Variants in FRMD4A observed in about 807,000 individuals in gnomAD.
The protein encoded by FRMD4A is FERM domain-containing protein 4A.
FRMD4A carries 29 observed loss-of-function variants against 129.1 expected under a neutral mutation model. That is an observed-to-expected ratio of 0.22 (90% CI 0.17 to 0.31). FRMD4A has a LOEUF of 0.31. FRMD4A is among the 10% of genes least tolerant of loss of function. FRMD4A has a pLI of 1.00. For synonymous variants in FRMD4A, 634 were observed against 571.6 expected (o/e 1.11, Z -1.56); for missense variants, 1,272 against 1,375.8 (o/e 0.92, Z 1.19).
At chr10:13,867,956 G>A (rs1452373880) in intron 2 of FRMD4A, among the ~76,000 whole-genome samples, 3 of 143,606 alleles carry the variant, frequency 2.1e-5, no homozygotes, top group African/African-American at 2.6e-5. Flanking sequence ...TACTATATAT[G>A]TTTATTAATT....
chr10:13,835,142 G>A (rs1175743315), intron 3 of FRMD4A, among the ~76,000 whole-genome samples: 20 of 152,286 alleles, frequency 1.3e-4, no homozygotes, highest in Admixed American at 2.0e-4. Flanking sequence ...GTTAAGAGGA[G>A]GGCTTTGATG....
chr10:13,670,585 T>A, intron 16 of FRMD4A, 57 bp from the exon 17 acceptor site: 1 of 1,588,192 alleles, frequency 6.3e-7, no homozygotes, highest in Non-Finnish European at 8.6e-7. Context: ...GCGTGTCTGC[T>A]TCCTAGAACA....
At chr10:13,985,158 T>G (rs2095576471) in intron 2 of FRMD4A, among the ~76,000 whole-genome samples, 1 of 152,232 alleles carries the variant, frequency 6.6e-6, no homozygotes, top group African/African-American at 2.4e-5. Context: ...CTGCTTGGTT[T>G]GCCTTCGCAT....
intron 2 of FRMD4A, among the ~76,000 whole-genome samples, chr10:14,304,563 G>A (rs1260538481): frequency 1.3e-5 from 2 of 152,136 alleles, no homozygotes; most frequent in Admixed American, 1.3e-4. Context: ...TGCTTGGATC[G>A]AGGAGGTGCC....
chr10:14,295,913 C>G (rs1246965497), intron 2 of FRMD4A, among the ~76,000 whole-genome samples: 1 of 152,108 alleles, frequency 6.6e-6, no homozygotes, highest in African/African-American at 2.4e-5. Flanking sequence ...ACGGGGTCAA[C>G]ATAAATGGGT....
chr10:13,724,151 G>A (rs2089695520), intron 12 of FRMD4A, among the ~76,000 whole-genome samples: 1 of 152,206 alleles, frequency 6.6e-6, no homozygotes, highest in South Asian at 2.1e-4. Context: ...CACTTTGGGA[G>A]GACGAGGCAG....
At chr10:13,880,930 T>G (rs888938975) in intron 2 of FRMD4A, among the ~76,000 whole-genome samples, 1 of 152,084 alleles carries the variant, frequency 6.6e-6, no homozygotes, top group African/African-American at 2.4e-5. Context: ...CCTCTTCGAA[T>G]GCAAGCTCCC....
chr10:14,246,151 A>G (rs1047820558), intron 2 of FRMD4A, among the ~76,000 whole-genome samples: 8 of 152,206 alleles, frequency 5.3e-5, no homozygotes, highest in Non-Finnish European at 8.8e-5. Flanking sequence ...GAGAAACTCC[A>G]TGTCAATGCT....
chr10:14,318,009 T>TA (rs1449418557), intron 2 of FRMD4A, among the ~76,000 whole-genome samples: 2 of 152,120 alleles, frequency 1.3e-5, no homozygotes, highest in East Asian at 3.9e-4. Flanking sequence ...GGATGTGTAT[T>TA]AAAGAGGCTA....
chr10:13,841,451 G>A (rs1348606154), intron 3 of FRMD4A, among the ~76,000 whole-genome samples: 1 of 152,210 alleles, frequency 6.6e-6, no homozygotes, highest in East Asian at 1.9e-4. Context: ...TTTGAGCCAT[G>A]TGTGACCAGC....
intron 2 of FRMD4A, among the ~76,000 whole-genome samples, chr10:13,951,388 T>A (rs1020448166): frequency 2.0e-5 from 3 of 151,870 alleles, no homozygotes; most frequent in African/African-American, 7.3e-5. Flanking sequence ...CTAAGATTGA[T>A]GGGAAGATCT....
chr10:13,658,594 G>A (rs951306999), intron 21 of FRMD4A, among the ~76,000 whole-genome samples: 9 of 152,182 alleles, frequency 5.9e-5, no homozygotes, highest in African/African-American at 2.2e-4. Context: ...AGAAAAAGAA[G>A]GTGTGGCTAG....
In FRMD4A at chr10:14,201,379, C is replaced by A. The variant is rs529893110; in HGVS notation, c.45+128679G>T. ...CGTCGGTTCCATCTCCTGACTGGAT[C>A]CTGACTGACATACTTAGGAATGCCT... On this transcript the variant is annotated intron_variant, in intron 2 of 24. Transcript: ENST00000357447. Among the ~76,000 whole-genome samples the A allele has an allele frequency of 2.0e-5, 3 of 152,246 alleles. No individual in the cohort carries two copies. The East Asian group carries it at 5.8e-4, about 29-fold the overall frequency.
chr10:14,184,298 ATT>A (rs60196881), intron 2 of FRMD4A, among the ~76,000 whole-genome samples: 12 of 104,880 alleles, frequency 1.1e-4, no homozygotes, highest in East Asian at 3.0e-4. Flanking sequence ...CAACCGGTTA[ATT>A]TTTTTTTTTT....
intron 12 of FRMD4A, chr10:13,707,708 CTCAAGATCACAGTG>C (rs2087609189): frequency 1.0e-6 from 1 of 985,476 alleles, no homozygotes; most frequent in Non-Finnish European, 1.2e-6. Context: ...GGGCAGGCAA[CTCAAGATCACAGTG>C]TGAGCCTGTC....
intron 3 of FRMD4A, among the ~76,000 whole-genome samples, chr10:13,814,468 C>T (rs1267904239): frequency 2.0e-5 from 3 of 149,134 alleles, no homozygotes; most frequent in Non-Finnish European, 4.4e-5. Context: ...CTAGTCCTAG[C>T]TATTCAGGAA....
chr10:14,212,523 C>T (rs758828181), intron 2 of FRMD4A, among the ~76,000 whole-genome samples: 1 of 152,178 alleles, frequency 6.6e-6, no homozygotes, highest in Non-Finnish European at 1.5e-5. Flanking sequence ...GTGATGTCCG[C>T]TGCCAGCTCA....
chr10:14,005,919 T>G (rs2095660592), intron 2 of FRMD4A, among the ~76,000 whole-genome samples: 1 of 152,076 alleles, frequency 6.6e-6, no homozygotes, highest in Non-Finnish European at 1.5e-5. Context: ...AAATGTAAGG[T>G]CTTCCGCGTC....
intron 2 of FRMD4A, among the ~76,000 whole-genome samples, chr10:14,090,250 G>T (rs1588952761): frequency 6.6e-6 from 1 of 152,222 alleles, no homozygotes; most frequent in East Asian, 1.9e-4. Flanking sequence ...AATATACGTG[G>T]TATTCACAGG....
Sources: gnomAD v4.1 joint callset for allele counts (sites outside exome capture counted in the v4.1 genomes callset) on GRCh38, gnomAD v4.1.1 for gene constraint, MANE v1.5 for transcripts, NCBI Gene and HGNC (gene_info 2026-07-23, HGNC 2026-07-21) for gene names.